ITIH2: variants seen among roughly 807,000 people sequenced by gnomAD.
ITIH2 encodes the protein inter-alpha-trypsin inhibitor heavy chain H2.
ITIH2 carries 103 observed loss-of-function variants against 104.4 expected under a neutral mutation model. That is an observed-to-expected ratio of 0.99 (90% CI 0.84 to 1.16). ITIH2 has a LOEUF of 1.16. Ranked by LOEUF, ITIH2 falls within the 50% of genes most tolerant of loss-of-function variation. The pLI, the probability that ITIH2 is intolerant of heterozygous loss-of-function variation, is 0.00. For missense variants in ITIH2, 1,108 were observed against 1,162.4 expected, an observed-to-expected ratio of 0.95 and a Z score of 0.68; for synonymous variants, 436 against 435.4, an observed-to-expected ratio of 1.00 and a Z score of -0.02.
chr10:7,717,342 T>C (rs761528345), intron 5 of ITIH2, among the ~76,000 whole-genome samples: 1 of 152,234 alleles, frequency 6.6e-6, no homozygotes, highest in Non-Finnish European at 1.5e-5. Flanking sequence ...GTCAAATTCC[T>C]GGCCCAGGAT....
intron 5 of ITIH2, 163 bp downstream of exon 5, chr10:7,713,448 C>A (rs528621119): frequency 2.2e-5 from 13 of 591,808 alleles, no homozygotes; most frequent in Non-Finnish European, 3.6e-5. Context: ...AGTTTCTATT[C>A]GCCTAAAGGT....
chr10:7,738,478 C>T, intron 15 of ITIH2, 143 bp from the exon 16 acceptor site: 11 of 862,242 alleles, frequency 1.3e-5, no homozygotes, highest in Non-Finnish European at 2.0e-5. Context: ...AGAGGGAGCC[C>T]GAGAGAACTC....
At chr10:7,730,988 G>A (rs747144996) in intron 12 of ITIH2, among the ~76,000 whole-genome samples, 10 of 152,262 alleles carry the variant, frequency 6.6e-5, no homozygotes, top group Admixed American at 1.3e-4. Context: ...CTGCGATCTC[G>A]GCTCACTGCA....
intron 5 of ITIH2, among the ~76,000 whole-genome samples, chr10:7,716,421 T>G (rs915102521): frequency 1.3e-5 from 2 of 152,124 alleles, no homozygotes; most frequent in African/African-American, 4.8e-5. Context: ...TGTATGTGAC[T>G]AAAATAAGGC....
Position 7,727,023 on chromosome 10 carries a change from A to T in ITIH2, c.1058A>T (p.Gln353Leu). The T allele has an allele frequency of 6.2e-7, 1 of 1,614,090 alleles. No homozygotes were observed. The highest frequency in any genetic ancestry group is 8.5e-7 in the Non-Finnish European group (1 of 1,179,890). ...EDHFSVIDFNQNIRTWRNDLI... is the reference protein window; with the variant it reads ...EDHFSVIDFNLNIRTWRNDLI... Reference sequence around the variant, plus strand: ...CATTTCTCTGTGATTGATTTCAACCAGAACATTCGAACTTGGAGAAATGAT... The same window carrying T: ...CATTTCTCTGTGATTGATTTCAACCTGAACATTCGAACTTGGAGAAATGAT... Residue 353 changes from glutamine (Q) to leucine (L), a missense_variant, in exon 10 of 21, where the codon CAG (glutamine) becomes CTG (leucine). Physicochemically the swap from Gln to Leu is moderately radical, Grantham distance 113. Coordinates refer to ENST00000358415, the MANE Select transcript of ITIH2 (RefSeq NM_002216.3).
intron 16 of ITIH2, among the ~76,000 whole-genome samples, chr10:7,741,759 C>T (rs111279989): frequency 0.039 from 5,967 of 152,230 alleles, 159 homozygotes; most frequent in South Asian, 0.076. Context: ...GTTTCAGGGT[C>T]TCTGTGATCT....
rs190003966 is a variant in ITIH2, at chr10:7,720,732, G to A, written c.631-124G>A. The A allele has an allele frequency of 6.6e-6, 4 of 610,546 alleles. No individual in the cohort carries two copies. In the East Asian group the frequency reaches 1.2e-4, roughly 18 times the overall value. 37.8% of individuals were successfully genotyped at this position (610,546 alleles called of 1,614,324 possible). ...TGCAGATCCTGCAGGAGAGATCGTG[G>A]AGTCGTGCCCGGGAAACCTGCGGAG... On this transcript the variant is annotated intron_variant, in intron 6 of 20. Transcript: ENST00000358415.
Position 7,717,025 on chromosome 10 carries a change from G to A in ITIH2, c.468-601G>A, listed in dbSNP as rs574498063. Among the ~76,000 whole-genome samples the A allele has an allele frequency of 1.2e-3, 176 of 149,796 alleles. 1 individual carries two copies. Among genetic ancestry groups the A allele is most frequent in the African/African-American group, 4.1e-3 (168 of 40,666 alleles). Reference sequence around the variant, plus strand: ...TGCAATGGCGTGATCTCGGCTCAACGCAACCTCTGCCTCCTGGGTCCTGGT... The same window carrying A: ...TGCAATGGCGTGATCTCGGCTCAACACAACCTCTGCCTCCTGGGTCCTGGT... On this transcript the variant is annotated intron_variant, in intron 5 of 20. Transcript: ENST00000358415.
chr10:7,746,629 A>G lies in ITIH2; in HGVS notation c.2618A>G (p.Asn873Ser), dbSNP rs774547862. 1.1e-5 allele frequency: 17 copies of G among 1,613,784 alleles called. No individual in the cohort carries two copies. The East Asian group carries it at 1.6e-4, about 15-fold the overall frequency. The change falls in exon 20 of 21, where the codon AAT (asparagine) becomes AGT (serine). Residue 873 changes from asparagine (N) to serine (S), a missense_variant. Physicochemically the swap from Asn to Ser is conservative, Grantham distance 46 (BLOSUM62 1). Coordinates refer to ENST00000358415, the MANE Select transcript of ITIH2 (RefSeq NM_002216.3). The stretch of plus-strand genomic sequence containing the variant: ...CAGGAACCAAAGATACACATCTTCA[A>G]TGAGAGACCAGGAAAGGACCCTGAG... ...FMQEPKIHIF[N>S]ERPGKDPEKP...
chr10:7,744,141 A>C lies in ITIH2; in HGVS notation c.2269A>C (p.Thr757Pro). 6.2e-7 allele frequency: 1 copy of C among 1,614,076 alleles called. No individual in the cohort carries two copies. The highest frequency in any genetic ancestry group is 8.5e-7 in the Non-Finnish European group (1 of 1,179,974). Residue 757 changes from threonine to proline, a missense_variant, in exon 18 of 21, where the codon ACC (threonine) becomes CCC (proline). Coordinates refer to ENST00000358415, the MANE Select transcript of ITIH2 (RefSeq NM_002216.3). The part of the protein sequence containing the change: ...AKKPNNGKLS[T>P]YFGKLGFYFQ... The stretch of plus-strand genomic sequence containing the variant: ...GAAGCCCAACAATGGAAAACTAAGC[A>C]CCTATTTTGGAAAACTGGGATTTTA...
intron 9 of ITIH2, among the ~76,000 whole-genome samples, chr10:7,725,723 G>A (rs1175683715): frequency 2.6e-5 from 4 of 152,164 alleles, no homozygotes; most frequent in South Asian, 2.1e-4. Context: ...AAGTACCCAC[G>A]TTGGCCATGG....
intron 16 of ITIH2, 122 bp from the exon 17 acceptor site, chr10:7,743,024 A>G: frequency 3.1e-6 from 2 of 636,100 alleles, no homozygotes; most frequent in Non-Finnish European, 5.6e-6. Flanking sequence ...AGTACCGAGC[A>G]TGTAGGAGAA....
intron 4 of ITIH2, among the ~76,000 whole-genome samples, chr10:7,709,693 A>T (rs763837519): frequency 3.1e-4 from 47 of 152,248 alleles, no homozygotes; most frequent in Non-Finnish European, 6.5e-4. Context: ...CAAGGCAATC[A>T]ACTCAGTGAT....
chr10:7,732,788 C>T (rs570200078), intron 14 of ITIH2, among the ~76,000 whole-genome samples: 21 of 152,126 alleles, frequency 1.4e-4, no homozygotes, highest in African/African-American at 3.4e-4. Flanking sequence ...AGTGCAGTGA[C>T]GCCATCTCAG....
At chr10:7,718,122 C>A (rs188545105) in intron 6 of ITIH2, among the ~76,000 whole-genome samples, 1 of 152,262 alleles carries the variant, frequency 6.6e-6, no homozygotes, top group Non-Finnish European at 1.5e-5. Flanking sequence ...TCTGGAGGCT[C>A]CAGGGGAGAG....
chr10:7,733,443 A>T (rs1035569041), intron 14 of ITIH2, among the ~76,000 whole-genome samples: 2 of 152,164 alleles, frequency 1.3e-5, no homozygotes, highest in Non-Finnish European at 2.9e-5. Context: ...GAAATTGATG[A>T]TTATTAACGA....
At chr10:7,708,996 C>T (rs1391976978) in intron 3 of ITIH2, 26 bp from the exon 4 acceptor site, 25 of 1,598,432 alleles carry the variant, frequency 1.6e-5, no homozygotes, top group African/African-American at 2.7e-5. Context: ...TCTATCAGTA[C>T]AGTTATGCTT....
chr10:7,709,162 C>T lies in ITIH2; in HGVS notation c.333C>T (p.Pro111=), dbSNP rs1303518896. The change falls in exon 4 of 21, where the codon CCC becomes CCT. Residue 111 remains proline (P), a synonymous_variant. Coordinates refer to ENST00000358415, the MANE Select transcript of ITIH2 (RefSeq NM_002216.3). ...PQNVVFDVQI[P]KGAFISNFSM... ...ATGTCGTGTTTGATGTTCAGATCCC[C>T]AAAGGAGCATTCATTTCCAACTTCT... The T allele has an allele frequency of 7.4e-6, 12 of 1,613,976 alleles. No homozygotes were observed. Among genetic ancestry groups the T allele is most frequent in the Admixed American group, 6.7e-5 (4 of 59,994 alleles).
At chr10:7,742,744 A>G (rs1160636238) in intron 16 of ITIH2, among the ~76,000 whole-genome samples, 1 of 152,146 alleles carries the variant, frequency 6.6e-6, no homozygotes, top group Non-Finnish European at 1.5e-5. Context: ...ATCCTGTCTC[A>G]AAAAACACCC....
Sources: gnomAD v4.1 joint callset for allele counts (sites outside exome capture counted in the v4.1 genomes callset) on GRCh38, gnomAD v4.1.1 for gene constraint, MANE v1.5 for transcripts, NCBI Gene and HGNC (gene_info 2026-07-23, HGNC 2026-07-21) for gene names.